FAM168A: variants seen among roughly 807,000 people sequenced by gnomAD.
FAM168A encodes family with sequence similarity 168 member A.
Under a neutral mutation model 28.5 loss-of-function variants are expected in FAM168A, and 3 were observed. The observed-to-expected ratio is 0.11, with a 90% CI of 0.05 to 0.27. FAM168A has a LOEUF of 0.27. Ranked by LOEUF, FAM168A falls within the 10% of genes least tolerant of loss-of-function variation. FAM168A has a pLI of 1.00. For missense variants in FAM168A, 222 were observed against 311.5 expected (o/e 0.71, Z 2.16); for synonymous variants, 122 against 124.2 (o/e 0.98, Z 0.12).
chr11:73,480,920 A>T (rs898890888), intron 1 of FAM168A, among the ~76,000 whole-genome samples: 1 of 152,192 alleles, frequency 6.6e-6, no homozygotes, highest in Non-Finnish European at 1.5e-5. Flanking sequence ...CACACTCTAC[A>T]ATACAGCAGA....
chr11:73,578,495 A>AAC lies in FAM168A; in HGVS notation c.-19+19426_-19+19427dup, dbSNP rs1411139620. Among the ~76,000 whole-genome samples the AAC allele has an allele frequency of 3.3e-5, 5 of 151,950 alleles. No individual in the cohort carries two copies. In the South Asian group the frequency reaches 6.2e-4, roughly 19 times the overall value. On this transcript the variant is annotated intron_variant, in intron 1 of 7. Coordinates refer to ENST00000356467, the MANE Select transcript of FAM168A (RefSeq NM_015159.3). ...TTAGGAGAAAATACACTCACACACA[A>AAC]ACACACACACACAATTTTCTTTTTA...
intron 1 of FAM168A, among the ~76,000 whole-genome samples, chr11:73,561,297 C>G (rs1943955803): frequency 1.3e-5 from 2 of 151,982 alleles, no homozygotes; most frequent in African/African-American, 4.8e-5. Context: ...ATCGCTTCAA[C>G]CTGGGAGGTG....
At chr11:73,512,119 T>C (rs1855238875) in intron 1 of FAM168A, among the ~76,000 whole-genome samples, 1 of 152,182 alleles carries the variant, frequency 6.6e-6, no homozygotes, top group Non-Finnish European at 1.5e-5. Flanking sequence ...TGTCCAGTCC[T>C]ATGCTAGGTA....
intron 2 of FAM168A, among the ~76,000 whole-genome samples, chr11:73,463,276 C>T (rs1012033231): frequency 5.3e-5 from 8 of 152,062 alleles, no homozygotes; most frequent in African/African-American, 1.7e-4. Context: ...CAAGATAGTA[C>T]ATGTGTTTTA....
At chr11:73,535,720 TTC>T (rs1393446325) in intron 1 of FAM168A, among the ~76,000 whole-genome samples, 2 of 98,524 alleles carry the variant, frequency 2.0e-5, no homozygotes, top group Non-Finnish European at 4.0e-5. Flanking sequence ...CACCTCACCC[TTC>T]TTTTTTTTTT....
chr11:73,540,526 T>C (rs977629288), intron 1 of FAM168A, among the ~76,000 whole-genome samples: 1 of 152,140 alleles, frequency 6.6e-6, no homozygotes, highest in African/African-American at 2.4e-5. Context: ...GCCCAACCAA[T>C]TGCCTTCTTA....
chr11:73,409,701 G>A (rs757070011), intron 5 of FAM168A, 40 bp from the exon 6 acceptor site: 3 of 1,565,628 alleles, frequency 1.9e-6, no homozygotes, highest in Middle Eastern at 1.8e-4. Flanking sequence ...CATTTGGAGA[G>A]GTAGGTGGGA....
At chr11:73,570,203 T>C (rs1365546973) in intron 1 of FAM168A, among the ~76,000 whole-genome samples, 1 of 152,210 alleles carries the variant, frequency 6.6e-6, no homozygotes, top group Non-Finnish European at 1.5e-5. Flanking sequence ...CATCCCTTCA[T>C]TAGCTGTGAG....
intron 2 of FAM168A, among the ~76,000 whole-genome samples, chr11:73,440,421 G>A (rs1379133307): frequency 3.9e-5 from 6 of 152,180 alleles, no homozygotes; most frequent in African/African-American, 1.2e-4. Context: ...TGAGGAAGGA[G>A]GACCGCTGCT....
intron 1 of FAM168A, among the ~76,000 whole-genome samples, chr11:73,518,758 G>C (rs181082900): frequency 6.6e-6 from 1 of 152,054 alleles, no homozygotes; most frequent in Non-Finnish European, 1.5e-5. Flanking sequence ...TTAGCTGGGC[G>C]TGGTCGTGCG....
chr11:73,412,822 AC>A (rs760933746), intron 4 of FAM168A, among the ~76,000 whole-genome samples: 2 of 151,988 alleles, frequency 1.3e-5, no homozygotes, highest in Non-Finnish European at 2.9e-5. Context: ...CAGCTCTTTC[AC>A]CTATAAGATG....
chr11:73,461,901 A>G (rs571013141), intron 2 of FAM168A, among the ~76,000 whole-genome samples: 2 of 152,314 alleles, frequency 1.3e-5, no homozygotes, highest in African/African-American at 4.8e-5. Flanking sequence ...GGTTTTTTAA[A>G]AATAAAAAGA....
intron 1 of FAM168A, among the ~76,000 whole-genome samples, chr11:73,530,080 C>A (rs1166351850): frequency 2.0e-5 from 3 of 152,262 alleles, no homozygotes; most frequent in Admixed American, 2.0e-4. Context: ...AGCCACCACA[C>A]CTGGCCCAAA....
At chr11:73,504,308 GA>G (rs1248675599) in intron 1 of FAM168A, among the ~76,000 whole-genome samples, 10 of 151,526 alleles carry the variant, frequency 6.6e-5, no homozygotes, top group African/African-American at 2.4e-4. Context: ...GTATTTACAA[GA>G]AAAAAACAAG....
chr11:73,468,453 C>A lies in FAM168A; in HGVS notation c.22G>T (p.Val8Leu), dbSNP rs562758668. The A allele has an allele frequency of 1.9e-6, 3 of 1,614,006 alleles. No individual in the cohort carries two copies. The East Asian group carries it at 6.7e-5, about 36-fold the overall frequency. Residue 8 changes from valine to leucine, a missense_variant, in exon 2 of 8, where the codon GTG becomes TTG. Coordinates refer to ENST00000356467, the MANE Select transcript of FAM168A (RefSeq NM_015159.3). Reference sequence around the variant, plus strand: ...TTGCCATAAGGAGCCCCAGGCTGCACGGGGCTGTAAACAGGGTTCATTGTG... The same window carrying A: ...TTGCCATAAGGAGCCCCAGGCTGCAAGGGGCTGTAAACAGGGTTCATTGTG... Reference protein sequence around the residue: MNPVYSPVQPGAPYGNPK... With the variant: MNPVYSPLQPGAPYGNPK...
rs189887830 is a variant in FAM168A at position 73,502,847 on chromosome 11, T to C, written c.-18-34355A>G. Among the ~76,000 whole-genome samples the C allele has an allele frequency of 6.9e-3, 1,048 of 152,264 alleles. 11 individuals are homozygous for C. Among genetic ancestry groups the C allele is most frequent in the African/African-American group, 0.022 (916 of 41,532 alleles). The stretch of plus-strand genomic sequence containing the variant: ...CCTGGGATGCAAGGCTGGTTCAACA[T>C]ATGCAAATCAACAAACATAATCCAT... On this transcript the variant is annotated intron_variant, in intron 1 of 7. Transcript: ENST00000356467.
At chr11:73,550,174 A>G (rs1241196552) in intron 1 of FAM168A, among the ~76,000 whole-genome samples, 1 of 152,236 alleles carries the variant, frequency 6.6e-6, no homozygotes, top group East Asian at 1.9e-4. Flanking sequence ...AGAGATAAAT[A>G]AATTGCGTTG....
intron 1 of FAM168A, among the ~76,000 whole-genome samples, chr11:73,515,220 A>G (rs1943286152): frequency 6.6e-6 from 1 of 152,180 alleles, no homozygotes; most frequent in Non-Finnish European, 1.5e-5. Context: ...CTTATAAACC[A>G]ATGAAACGGC....
chr11:73,524,721 C>A (rs1443372712), intron 1 of FAM168A, among the ~76,000 whole-genome samples: 1 of 152,116 alleles, frequency 6.6e-6, no homozygotes, highest in African/African-American at 2.4e-5. Context: ...CCTCACCCTC[C>A]CAAGTAGCTC....
Sources: allele counts gnomAD v4.1 joint callset (sites outside exome capture counted in the v4.1 genomes callset), GRCh38; gene constraint gnomAD v4.1.1; transcripts MANE v1.5; gene names NCBI Gene and HGNC (gene_info 2026-07-23, HGNC 2026-07-21).